The following SMAD9 variants were observed in gnomAD, a reference collection of about 807,000 sequenced individuals.
SMAD9 encodes SMAD family member 9.
SMAD9 carries 36 observed loss-of-function variants against 46.1 expected under a neutral mutation model. The ratio of observed to expected loss-of-function variants is 0.78; its 90% confidence interval spans 0.60 to 1.03. The LOEUF (loss-of-function observed/expected upper bound fraction) is 1.03. Among genes scored for constraint, SMAD9 ranks in the 50% least tolerant of loss-of-function variants. SMAD9 has a pLI of 0.00. For synonymous variants in SMAD9, 245 were observed against 237.1 expected, an observed-to-expected ratio of 1.03 and a Z score of -0.31; for missense variants, 572 against 599.8, an observed-to-expected ratio of 0.95 and a Z score of 0.48.
chr13:36,871,614 G>C (rs922390027), intron 3 of SMAD9, among the ~76,000 whole-genome samples: 6 of 152,190 alleles, frequency 3.9e-5, no homozygotes, highest in African/African-American at 7.2e-5. Context: ...TTCAGGCTCT[G>C]TGCTAGACAT....
chr13:36,910,105 G>C (rs1460159796), intron 1 of SMAD9, among the ~76,000 whole-genome samples: 1 of 151,626 alleles, frequency 6.6e-6, no homozygotes, highest in Non-Finnish European at 1.5e-5. Context: ...GCTGAGGCAG[G>C]AGAATGGCAT....
At chr13:36,886,043 C>A (rs558478871) in intron 1 of SMAD9, among the ~76,000 whole-genome samples, 1 of 152,122 alleles carries the variant, frequency 6.6e-6, no homozygotes, top group East Asian at 1.9e-4. Context: ...AGATGGCCAA[C>A]GCATATTGAC....
intron 1 of SMAD9, among the ~76,000 whole-genome samples, chr13:36,915,617 GA>G (rs1407740335): frequency 1.3e-5 from 2 of 152,008 alleles, no homozygotes; most frequent in Non-Finnish European, 2.9e-5. Context: ...GTCATTATAG[GA>G]AAAAATCAGA....
intron 1 of SMAD9, among the ~76,000 whole-genome samples, chr13:36,904,119 A>G (rs2058599858): frequency 6.6e-6 from 1 of 152,184 alleles, no homozygotes; most frequent in African/African-American, 2.4e-5. Flanking sequence ...CCACAAATCA[A>G]GCCATATGGT....
At chr13:36,913,172 G>A (rs559022413) in intron 1 of SMAD9, among the ~76,000 whole-genome samples, 35 of 152,168 alleles carry the variant, frequency 2.3e-4, no homozygotes, top group Admixed American at 6.5e-4. Flanking sequence ...TGACTCACAG[G>A]GCCAGCTGAA....
chr13:36,916,264 G>GATAATGTGATAAT (rs1293542997), intron 1 of SMAD9, among the ~76,000 whole-genome samples: 1 of 152,184 alleles, frequency 6.6e-6, no homozygotes, highest in African/African-American at 2.4e-5. Flanking sequence ...GTTTCATTGT[G>GATAATGTGATAAT]GTAGCCGTAT....
In SMAD9 at chr13:36,865,563, T is replaced by C; in HGVS notation, c.977A>G (p.Glu326Gly). The C allele has an allele frequency of 1.9e-6, 3 of 1,614,014 alleles. No homozygotes were observed. The highest frequency in any genetic ancestry group is 2.5e-6 in the Non-Finnish European group (3 of 1,179,878). Reference sequence around the variant, plus strand: ...CTTTCCTATATGTCTCCTGGTATTTTCTATCGTTGAGTTTCTGTTTACATT... The same window carrying C: ...CTTTCCTATATGTCTCCTGGTATTTCCTATCGTTGAGTTTCTGTTTACATT... ...LSNVNRNSTI[E>G]NTRRHIGKGV... The change falls in exon 5 of 7, where the codon GAA becomes GGA. Residue 326 changes from glutamate (E) to glycine (G), a missense_variant. Glu to Gly is a moderately conservative substitution (Grantham distance 98). Transcript: ENST00000379826.
At chr13:36,860,381 T>C (rs558378058) in intron 5 of SMAD9, among the ~76,000 whole-genome samples, 11 of 151,814 alleles carry the variant, frequency 7.2e-5, no homozygotes, top group African/African-American at 2.7e-4. Flanking sequence ...TTGATCTATC[T>C]CAGAAAGTTC....
chr13:36,906,540 AACTC>A (rs1283685310), intron 1 of SMAD9, among the ~76,000 whole-genome samples: 1 of 152,196 alleles, frequency 6.6e-6, no homozygotes, highest in Non-Finnish European at 1.5e-5. Context: ...AAATTCTTAA[AACTC>A]AACAACAACA....
chr13:36,853,780 A>AAC, intron 5 of SMAD9, 105 bp from the exon 6 acceptor site: 1 of 1,139,238 alleles, frequency 8.8e-7, no homozygotes, highest in Non-Finnish European at 1.3e-6. Context: ...TCAGGTTGTC[A>AAC]GATCACTGAT....
intron 1 of SMAD9, among the ~76,000 whole-genome samples, chr13:36,887,466 G>A (rs527917272): frequency 5.9e-5 from 9 of 151,610 alleles, no homozygotes; most frequent in Non-Finnish European, 8.8e-5. Flanking sequence ...CAGGTGGTCC[G>A]CTCGCTTCGG....
At chr13:36,901,493 T>C (rs2058575776) in intron 1 of SMAD9, among the ~76,000 whole-genome samples, 1 of 151,354 alleles carries the variant, frequency 6.6e-6, no homozygotes, top group Non-Finnish European at 1.5e-5. Flanking sequence ...AATGGTGCGA[T>C]CTCAGCTCAC....
intron 2 of SMAD9, among the ~76,000 whole-genome samples, chr13:36,877,750 C>A (rs930054787): frequency 2.6e-5 from 4 of 152,134 alleles, no homozygotes; most frequent in African/African-American, 9.7e-5. Context: ...CCTTCTCAGC[C>A]AGGGCCTCAG....
intron 1 of SMAD9, among the ~76,000 whole-genome samples, chr13:36,906,774 A>C (rs2058623248): frequency 1.3e-5 from 2 of 152,224 alleles, no homozygotes; most frequent in African/African-American, 4.8e-5. Context: ...AATGTGTAAA[A>C]ATCAAGGATG....
intron 1 of SMAD9, among the ~76,000 whole-genome samples, chr13:36,909,094 G>C: frequency 6.6e-6 from 1 of 152,100 alleles, no homozygotes; most frequent in East Asian, 1.9e-4. Context: ...CTATTGATTG[G>C]ATATCATTTT....
intron 6 of SMAD9, chr13:36,852,535 T>A (rs1328294557): frequency 2.0e-6 from 2 of 983,966 alleles, no homozygotes; most frequent in East Asian, 2.3e-4. Context: ...AGATTCGATA[T>A]GAGAAATTCA....
At chr13:36,880,871 T>G (rs149532449) in intron 1 of SMAD9, among the ~76,000 whole-genome samples, 1 of 152,334 alleles carries the variant, frequency 6.6e-6, no homozygotes, top group African/African-American at 2.4e-5. Context: ...TTTTAATGAT[T>G]CAATCAATAT....
At position 36,920,181 on chromosome 13, in the gene SMAD9, TGC is replaced by T; in HGVS notation, c.-254_-253del. The T allele has an allele frequency of 8.3e-6, 1 of 120,808 alleles. No homozygotes were observed. The highest frequency in any genetic ancestry group is 1.7e-5 in the Non-Finnish European group (1 of 60,122). 7.5% of individuals were successfully genotyped at this position (120,808 alleles called of 1,614,324 possible). A position where few individuals can be genotyped will look rare whatever the true frequency, so the allele number is the denominator to read the frequency against. On this transcript the variant is annotated 5_prime_UTR_variant, in exon 1 of 7. Coordinates refer to ENST00000379826, the MANE Select transcript of SMAD9 (RefSeq NM_001127217.3). Reference sequence around the variant, plus strand: ...CGGCGGCGGGGACCGAGACAGCGGCTGCAGCAGCGGCGGCGGCGGCGGCGGCG... The same window carrying T: ...CGGCGGCGGGGACCGAGACAGCGGCTAGCAGCGGCGGCGGCGGCGGCGGCG...
At chr13:36,909,622 G>A (rs531091127) in intron 1 of SMAD9, among the ~76,000 whole-genome samples, 1 of 152,294 alleles carries the variant, frequency 6.6e-6, no homozygotes, top group African/African-American at 2.4e-5. Flanking sequence ...GAGGCAACAT[G>A]ATATAATGAA....
Sources: allele counts gnomAD v4.1 joint callset (sites outside exome capture counted in the v4.1 genomes callset), GRCh38; gene constraint gnomAD v4.1.1; transcripts MANE v1.5; gene names NCBI Gene and HGNC (gene_info 2026-07-23, HGNC 2026-07-21).